The following COTL1 variants were observed in gnomAD, a reference collection of about 807,000 sequenced individuals.
The protein encoded by COTL1 is coactosin like F-actin binding protein 1, also known as coactosin-like protein.
Under a neutral mutation model 16.5 loss-of-function variants are expected in COTL1, and 15 were observed. The ratio of observed to expected loss-of-function variants is 0.91; its 90% CI spans 0.61 to 1.40. The LOEUF is 1.40. COTL1 is among the 40% of genes most tolerant of loss of function. The pLI is 0.00. For missense variants in COTL1, 220 were observed against 201.5 expected (o/e 1.09, Z -0.56); for synonymous variants, 112 against 85.3 (o/e 1.31, Z -1.73).
chr16:84,573,264 A>T (rs1470557752), intron 3 of COTL1, among the ~76,000 whole-genome samples: 1 of 152,256 alleles, frequency 6.6e-6, no homozygotes, highest in African/African-American at 2.4e-5. Context: ...GGTATACGGC[A>T]CACACTGATA....
intron 3 of COTL1, among the ~76,000 whole-genome samples, chr16:84,589,722 T>G (rs1210959058): frequency 6.6e-6 from 1 of 152,040 alleles, no homozygotes; most frequent in East Asian, 1.9e-4. Context: ...AGGGTACAAA[T>G]GAATTCTCCC....
At chr16:84,610,658 A>G (rs1905301945) in intron 2 of COTL1, among the ~76,000 whole-genome samples, 1 of 152,166 alleles carries the variant, frequency 6.6e-6, no homozygotes, top group Admixed American at 6.5e-5. Context: ...TCTCACAGGA[A>G]CTACATTGGT....
intron 2 of COTL1, among the ~76,000 whole-genome samples, chr16:84,602,798 T>C (rs1905127638): frequency 6.7e-6 from 1 of 150,040 alleles, no homozygotes; most frequent in Admixed American, 6.6e-5. Flanking sequence ...GAGGTTGCAG[T>C]AAGCTGAGAT....
chr16:84,580,450 T>C (rs1034965942), intron 3 of COTL1, among the ~76,000 whole-genome samples: 3 of 152,124 alleles, frequency 2.0e-5, no homozygotes, highest in Non-Finnish European at 4.4e-5. Context: ...AGGGTCTCAC[T>C]ATATTGCCCA....
At chr16:84,593,392 C>A (rs1904918589) in intron 2 of COTL1, among the ~76,000 whole-genome samples, 1 of 152,266 alleles carries the variant, frequency 6.6e-6, no homozygotes, top group Non-Finnish European at 1.5e-5. Flanking sequence ...GAGGGCCCCA[C>A]CTCCCATGCC....
Position 84,590,053 on chromosome 16 carries a change from G to A in COTL1, c.318+52C>T, listed in dbSNP as rs368256983. 11 of 1,562,564 alleles carry A rather than the reference G, an allele frequency of 7.0e-6. No homozygotes were observed. The African/African-American group carries it at 9.5e-5, about 13-fold the overall frequency. On this transcript the variant is annotated intron_variant, in intron 3 of 3. Transcript: ENST00000262428. This position sits in a 1 kb window ranked among gnomAD's most constrained non-coding sequence, Gnocchi z 5.5. The stretch of plus-strand genomic sequence containing the variant: ...AACCCAGCCCTCTCCCTCCTTGCAG[G>A]ATGGTGACCCTTGGCGAGCTTTGAC...
intron 2 of COTL1, among the ~76,000 whole-genome samples, chr16:84,614,838 G>T (rs796520167): frequency 6.6e-6 from 1 of 152,186 alleles, no homozygotes; most frequent in East Asian, 1.9e-4. Flanking sequence ...AATCCCACGA[G>T]AGGTGAGAAT....
rs1904294835 is a variant in COTL1 at position 84,565,628 on chromosome 16, G to C, written c.*1217C>G. The C allele has an allele frequency of 6.6e-6, 1 of 152,018 alleles. No individual in the cohort carries two copies. Among genetic ancestry groups the C allele is most frequent in the Non-Finnish European group, 1.5e-5 (1 of 67,966 alleles). 9.4% of individuals were successfully genotyped at this position (152,018 alleles called of 1,614,324 possible). On this transcript the variant is annotated 3_prime_UTR_variant, in exon 4 of 4. Coordinates refer to ENST00000262428, the MANE Select transcript of COTL1 (RefSeq NM_021149.5). ...AAAAACAAAAAAAACATTTATTTCT[G>C]TAAACTGTCTGAGTGCAGAGATGTT...
chr16:84,600,109 T>C (rs930786532), intron 2 of COTL1, among the ~76,000 whole-genome samples: 1 of 152,124 alleles, frequency 6.6e-6, no homozygotes, highest in Non-Finnish European at 1.5e-5. Context: ...AGGCCTGATA[T>C]CACTATACCA....
intron 3 of COTL1, among the ~76,000 whole-genome samples, chr16:84,583,502 G>A (rs1051719810): frequency 6.6e-6 from 1 of 152,110 alleles, no homozygotes; most frequent in Non-Finnish European, 1.5e-5. Context: ...CTGTCACCCA[G>A]GCTGGAATGC....
Position 84,586,356 on chromosome 16 carries a change from A to C in COTL1, c.318+3749T>G, listed in dbSNP as rs545641670. Reference sequence around the variant, plus strand: ...CTACTCCCACCTAAAGGTTCCCAGCAGGGAATTAATTTCCTCCAATCCCCC... The same window carrying C: ...CTACTCCCACCTAAAGGTTCCCAGCCGGGAATTAATTTCCTCCAATCCCCC... On this transcript the variant is annotated intron_variant, in intron 3 of 3. Transcript: ENST00000262428. Among the ~76,000 whole-genome samples, 38 of 152,346 alleles carry C rather than the reference A, an allele frequency of 2.5e-4. No individual in the cohort carries two copies. In the South Asian group the frequency reaches 7.7e-3, roughly 31 times the overall value.
chr16:84,597,232 T>C (rs1905024072), intron 2 of COTL1, among the ~76,000 whole-genome samples: 1 of 152,066 alleles, frequency 6.6e-6, no homozygotes. Context: ...GTCTGAGAGG[T>C]AACTGAGCCC....
chr16:84,572,659 G>T (rs1048554953), intron 3 of COTL1, among the ~76,000 whole-genome samples: 1 of 152,068 alleles, frequency 6.6e-6, no homozygotes, highest in Admixed American at 6.6e-5. Flanking sequence ...ACGTGGTTTC[G>T]TCATGTTGCC....
intron 2 of COTL1, among the ~76,000 whole-genome samples, chr16:84,592,011 C>T (rs1904881900): frequency 6.6e-6 from 1 of 152,210 alleles, no homozygotes; most frequent in Admixed American, 6.5e-5. Flanking sequence ...AGATCATTCT[C>T]TCTGGTAGGA....
At chr16:84,574,978 C>A (rs4782638) in intron 3 of COTL1, among the ~76,000 whole-genome samples, 113,463 of 151,640 alleles carry the variant, frequency 0.75, 42,519 homozygotes, top group South Asian at 0.9. Context: ...ATCTATTTGC[C>A]ACGCTGGATT....
chr16:84,586,129 A>G (rs56048815), intron 3 of COTL1, among the ~76,000 whole-genome samples: 30,044 of 152,126 alleles, frequency 0.2, 3,535 homozygotes, highest in Non-Finnish European at 0.27. Flanking sequence ...CATAGCATGG[A>G]CCGTTTCTTT....
chr16:84,605,844 G>A (rs1360506536), intron 2 of COTL1, among the ~76,000 whole-genome samples: 1 of 152,190 alleles, frequency 6.6e-6, no homozygotes, highest in East Asian at 1.9e-4. Flanking sequence ...CACCAAGTTT[G>A]TGGTCATTTG....
chr16:84,569,689 TC>T (rs1398712109), intron 3 of COTL1, among the ~76,000 whole-genome samples: 1 of 152,226 alleles, frequency 6.6e-6, no homozygotes, highest in African/African-American at 2.4e-5. Flanking sequence ...TCCTTTCTGT[TC>T]CCACCCCACT....
intron 2 of COTL1, among the ~76,000 whole-genome samples, chr16:84,604,476 G>A (rs112189177): frequency 9.2e-5 from 14 of 151,644 alleles, no homozygotes; most frequent in Non-Finnish European, 1.8e-4. Flanking sequence ...AGTGGGTTTC[G>A]GTCCATTCAC....
Sources: allele counts gnomAD v4.1 joint callset (sites outside exome capture counted in the v4.1 genomes callset), GRCh38; gene constraint gnomAD v4.1.1; non-coding constraint Gnocchi (gnomAD v3.1); transcripts MANE v1.5; gene names NCBI Gene and HGNC (gene_info 2026-07-23, HGNC 2026-07-21).